The following FAM110B variants were observed in gnomAD, a reference collection of about 807,000 sequenced individuals.
FAM110B encodes family with sequence similarity 110 member B.
Under a neutral mutation model 20.4 loss-of-function variants are expected in FAM110B, and 6 were observed. That is an observed-to-expected ratio of 0.29 (90% CI 0.16 to 0.58). The LOEUF is 0.58. Among genes scored for constraint, FAM110B ranks in the 20% least tolerant of loss-of-function variants. The pLI is 0.90. For synonymous variants in FAM110B, 226 were observed against 214.1 expected, an observed-to-expected ratio of 1.06 and a Z score of -0.49; for missense variants, 434 against 498.2, an observed-to-expected ratio of 0.87 and a Z score of 1.23.
chr8:58,032,792 G>T (rs1563345842), intron 2 of FAM110B: 1 of 152,174 alleles, frequency 6.6e-6, no homozygotes. Context: ...GTGTGGCAAG[G>T]TGAACACCCT....
At chr8:58,036,263 C>A (rs1805072599) in intron 2 of FAM110B, among the ~76,000 whole-genome samples, 1 of 152,176 alleles carries the variant, frequency 6.6e-6, no homozygotes, top group African/African-American at 2.4e-5. Context: ...TCATTATATT[C>A]TGGCAGAGAA....
intron 3 of FAM110B, among the ~76,000 whole-genome samples, chr8:58,132,520 G>A (rs1803498962): frequency 6.6e-6 from 1 of 152,092 alleles, no homozygotes; most frequent in African/African-American, 2.4e-5. Flanking sequence ...AGATGGCCCC[G>A]AGGTGGACAG....
At chr8:58,098,330 T>C (rs1014125795) in intron 3 of FAM110B, among the ~76,000 whole-genome samples, 6 of 152,210 alleles carry the variant, frequency 3.9e-5, no homozygotes, top group Non-Finnish European at 8.8e-5. Context: ...TCCTGGCAGC[T>C]TTGTTTATGC....
intron 3 of FAM110B, among the ~76,000 whole-genome samples, chr8:58,102,615 A>T (rs910555977): frequency 6.6e-6 from 1 of 152,218 alleles, no homozygotes; most frequent in East Asian, 1.9e-4. Flanking sequence ...CACCTACGCC[A>T]TAACAGTGTA....
chr8:58,143,602 C>T (rs1271977653), intron 3 of FAM110B, among the ~76,000 whole-genome samples: 1 of 152,206 alleles, frequency 6.6e-6, no homozygotes, highest in Admixed American at 6.5e-5. Flanking sequence ...ATAGAGAAAG[C>T]AGTGTGCAAG....
intron 3 of FAM110B, among the ~76,000 whole-genome samples, chr8:58,135,867 CTT>C (rs1465473993): frequency 6.6e-6 from 1 of 152,114 alleles, no homozygotes; most frequent in African/African-American, 2.4e-5. Context: ...AGCACAAAGA[CTT>C]ATAAACTGCA....
intron 3 of FAM110B, among the ~76,000 whole-genome samples, chr8:58,107,986 T>C (rs911164252): frequency 6.6e-6 from 1 of 152,250 alleles, no homozygotes; most frequent in Admixed American, 6.5e-5. Context: ...GTCTTTCTAA[T>C]TTTTTACTAA....
At chr8:58,074,602 C>T (rs756425087) in intron 2 of FAM110B, among the ~76,000 whole-genome samples, 5 of 152,146 alleles carry the variant, frequency 3.3e-5, no homozygotes, top group Admixed American at 1.3e-4. Context: ...AGAGGTTTTT[C>T]GTCTTAACCC....
At chr8:58,114,488 T>C (rs1479533180) in intron 3 of FAM110B, among the ~76,000 whole-genome samples, 1 of 152,226 alleles carries the variant, frequency 6.6e-6, no homozygotes, top group Non-Finnish European at 1.5e-5. Context: ...AGTAGTTTTG[T>C]GATCTTGAAA....
At chr8:58,008,472 TTATACA>T (rs956973498) in intron 1 of FAM110B, among the ~76,000 whole-genome samples, 1 of 152,190 alleles carries the variant, frequency 6.6e-6, no homozygotes, top group Non-Finnish European at 1.5e-5. Context: ...CATCTAATAG[TTATACA>T]TATTCATGGT....
chr8:58,008,095 A>G (rs1439156184), intron 1 of FAM110B, among the ~76,000 whole-genome samples: 2 of 151,632 alleles, frequency 1.3e-5, no homozygotes, highest in Non-Finnish European at 2.9e-5. Context: ...GGTCTAATGA[A>G]ATGACAGTGT....
At chr8:58,045,831 C>T (rs1805309933) in intron 2 of FAM110B, among the ~76,000 whole-genome samples, 1 of 152,210 alleles carries the variant, frequency 6.6e-6, no homozygotes, top group Admixed American at 6.5e-5. Flanking sequence ...CAAAATATCT[C>T]AGGCTGAGTA....
intron 3 of FAM110B, among the ~76,000 whole-genome samples, chr8:58,084,696 G>A (rs980797960): frequency 1.2e-4 from 18 of 151,906 alleles, no homozygotes; most frequent in African/African-American, 3.6e-4. Context: ...TGAAATCTCC[G>A]TTTTTTAAAC....
chr8:58,082,561 A>G (rs1806225033), intron 3 of FAM110B, among the ~76,000 whole-genome samples: 1 of 152,226 alleles, frequency 6.6e-6, no homozygotes. Flanking sequence ...ATCTGATTTA[A>G]GTTACAGTAA....
Position 58,107,932 on chromosome 8 carries a change from G to A in FAM110B, c.-325+32309G>A, listed in dbSNP as rs117492156. On this transcript the variant is annotated intron_variant, in intron 3 of 3. Coordinates refer to ENST00000519262, the MANE Select transcript of FAM110B (RefSeq NM_001377989.1). ...AGGGAATGAAGCTGATTTAAACATA[G>A]CTCACAGTAAATCTGAGAGTGGAAA... 5.0e-4 allele frequency among the ~76,000 whole-genome samples: 76 copies of A among 152,306 alleles called. 1 individual carries two copies. The East Asian group carries it at 0.013, about 26-fold the overall frequency.
At chr8:58,123,592 G>C (rs1807420138) in intron 3 of FAM110B, among the ~76,000 whole-genome samples, 1 of 152,086 alleles carries the variant, frequency 6.6e-6, no homozygotes. Context: ...AATGATAGCA[G>C]TCAGACTATT....
At chr8:58,080,969 C>CA (rs779245255) in intron 3 of FAM110B, among the ~76,000 whole-genome samples, 70 of 152,292 alleles carry the variant, frequency 4.6e-4, no homozygotes, top group Non-Finnish European at 7.5e-4. Flanking sequence ...AGACAGCTTT[C>CA]ACTCACCATG....
At position 58,147,407 on chromosome 8, in the gene FAM110B, TCTC is replaced by T. The variant is rs1465177832; in HGVS notation, c.*67_*69del. On this transcript the variant is annotated 3_prime_UTR_variant, in exon 4 of 4. Transcript: ENST00000519262. ...TTACGCAGTTGTGAAGGTTGTGAGG[TCTC>T]CTTGAAGTGTTGTGAGCTTCTCCAC... is the stretch of plus-strand genomic sequence containing the variant. 1.3e-6 allele frequency: 2 copies of T among 1,546,506 alleles called. No individual in the cohort carries two copies. The highest frequency in any genetic ancestry group is 8.8e-7 in the Non-Finnish European group (1 of 1,142,456).
intron 3 of FAM110B, among the ~76,000 whole-genome samples, chr8:58,083,751 G>T (rs773096970): frequency 1.3e-5 from 2 of 152,132 alleles, no homozygotes; most frequent in Non-Finnish European, 2.9e-5. Flanking sequence ...TAAAAATTAC[G>T]TATCCAGTGT....
Sources: gnomAD v4.1 joint callset for allele counts (sites outside exome capture counted in the v4.1 genomes callset) on GRCh38, gnomAD v4.1.1 for gene constraint, MANE v1.5 for transcripts, NCBI Gene and HGNC (gene_info 2026-07-23, HGNC 2026-07-21) for gene names.